Variants in HSP90AA1 observed in about 807,000 individuals in gnomAD.
HSP90AA1 encodes heat shock protein HSP 90-alpha.
Under a neutral mutation model 73.3 loss-of-function variants are expected in HSP90AA1, and 18 were observed. That is an observed-to-expected ratio of 0.25 (90% CI 0.17 to 0.36). The LOEUF is 0.36. Ranked by LOEUF, HSP90AA1 falls within the 10% of genes least tolerant of loss-of-function variation. The pLI is 1.00. For synonymous variants in HSP90AA1, 477 were observed against 296.9 expected, an observed-to-expected ratio of 1.61 and a Z score of -6.24; for missense variants, 704 against 874.2, an observed-to-expected ratio of 0.81 and a Z score of 2.45.
At chr14:102,093,510 A>G (rs2049386083) in intron 2 of HSP90AA1, among the ~76,000 whole-genome samples, 1 of 150,806 alleles carries the variant, frequency 6.6e-6, no homozygotes, top group Admixed American at 6.6e-5. Flanking sequence ...AAATTCTGTC[A>G]TTTCTTGGAG....
chr14:102,114,044 A>G (rs1262306793), intron 1 of HSP90AA1, among the ~76,000 whole-genome samples: 2 of 151,626 alleles, frequency 1.3e-5, no homozygotes, highest in African/African-American at 4.9e-5. Context: ...TTTGTTACAG[A>G]GTCTCACTCT....
intron 1 of HSP90AA1, chr14:102,102,170 A>G: frequency 1.8e-6 from 2 of 1,113,372 alleles, no homozygotes; most frequent in Admixed American, 1.7e-5. Flanking sequence ...GACAGCCCCA[A>G]GCAGGCATGC....
Position 102,097,566 on chromosome 14 carries a change from C to G in HSP90AA1, c.366+4309G>C, listed in dbSNP as rs532231426. On this transcript the variant is annotated intron_variant, in intron 2 of 11. Transcript: ENST00000334701. ...CTTTGAGTCCCCCCAAGGGCAACCT[C>G]TGGTTCAGCCAGTGGAAGAACAGGC... Among the ~76,000 whole-genome samples, 3 of 152,010 alleles carry G rather than the reference C, an allele frequency of 2.0e-5. No individual in the cohort carries two copies. The South Asian group carries it at 6.2e-4, about 31-fold the overall frequency.
intron 2 of HSP90AA1, among the ~76,000 whole-genome samples, chr14:102,098,571 C>G (rs1437056588): frequency 6.7e-6 from 1 of 149,694 alleles, no homozygotes; most frequent in Non-Finnish European, 1.5e-5. Context: ...TCAAGTGATT[C>G]TCCTGCCTCC....
chr14:102,133,331 A>T (rs960148649), intron 1 of HSP90AA1, among the ~76,000 whole-genome samples: 1 of 152,156 alleles, frequency 6.6e-6, no homozygotes, highest in Admixed American at 6.6e-5. Context: ...ATAAGACTCT[A>T]ATGATATAAT....
At chr14:102,089,201 G>A (rs1000528983), upstream of HSP90AA1, among the ~76,000 whole-genome samples, 2 of 152,288 alleles carry the variant, frequency 1.3e-5, no homozygotes, top group Non-Finnish European at 1.5e-5. Flanking sequence ...GATTACAGGC[G>A]TGAGCCACGG....
chr14:102,084,667 C>T lies in HSP90AA1; in HGVS notation c.981+14G>A, dbSNP rs1162381869. The T allele has an allele frequency of 1.2e-6, 2 of 1,613,894 alleles. No homozygotes were observed. Among genetic ancestry groups the T allele is most frequent in the East Asian group, 4.5e-5 (2 of 44,874 alleles). Reference sequence around the variant, plus strand: ...AATCTAAGGACAAGCTTGAAGCACCCATCAGTCACTCACCTTCACTGCCAA... The same window carrying T: ...AATCTAAGGACAAGCTTGAAGCACCTATCAGTCACTCACCTTCACTGCCAA... On this transcript the variant is annotated intron_variant, in intron 5 of 10. Transcript: ENST00000216281.
At chr14:102,131,359 C>T (rs1312873241) in intron 1 of HSP90AA1, among the ~76,000 whole-genome samples, 8 of 152,182 alleles carry the variant, frequency 5.3e-5, no homozygotes, top group Admixed American at 2.0e-4. Flanking sequence ...ATTCTGTAGC[C>T]TCTTTTCATC....
At chr14:102,083,348 T>C (rs763246667) in intron 8 of HSP90AA1, 46 bp from the exon 9 acceptor site, 10 of 1,601,114 alleles carry the variant, frequency 6.2e-6, no homozygotes, top group African/African-American at 1.3e-5. Flanking sequence ...CAGTTAAGAA[T>C]GGTTTCATCT....
Position 102,082,350 on chromosome 14 carries a change from T to C in HSP90AA1, c.1850A>G (p.Gln617Arg). The C allele has an allele frequency of 6.2e-7, 1 of 1,613,826 alleles. No homozygotes were observed. Among genetic ancestry groups the C allele is most frequent in the Non-Finnish European group, 8.5e-7 (1 of 1,179,698 alleles). The part of the protein sequence containing the change: ...TANMERIMKA[Q>R]ALRDNSTMGY... ...CATTGTTGAGTTGTCTCTTAGGGCT[T>C]GAGCTTTCATGATTCTCTCCATGTT... The change falls in exon 10 of 11, where the codon CAA becomes CGA. Residue 617 changes from glutamine (Q) to arginine (R), a missense_variant. Transcript: ENST00000216281.
intron 1 of HSP90AA1, among the ~76,000 whole-genome samples, chr14:102,120,998 TAC>T (rs758133126): frequency 3.3e-4 from 50 of 149,292 alleles, no homozygotes; most frequent in Middle Eastern, 3.4e-3. Flanking sequence ...ATCTGCAACA[TAC>T]ACACACACAC....
chr14:102,117,398 C>A (rs1235203724), intron 1 of HSP90AA1, among the ~76,000 whole-genome samples: 1 of 152,124 alleles, frequency 6.6e-6, no homozygotes, highest in Non-Finnish European at 1.5e-5. Flanking sequence ...GTGTGCACTT[C>A]CTCCCCTCTG....
At chr14:102,098,324 G>A (rs1243167744) in intron 2 of HSP90AA1, among the ~76,000 whole-genome samples, 4 of 151,686 alleles carry the variant, frequency 2.6e-5, no homozygotes, top group Non-Finnish European at 1.5e-5. Context: ...ACCACGCCCG[G>A]CTAATTTTTG....
In HSP90AA1 at chr14:102,094,864, C is replaced by T. The variant is rs565617402; in HGVS notation, c.366+7011G>A. ...CTCTGACCGTGGTGTGTAGGAAGCA[C>T]GCTTCCAATGAGACCTGAGGAGAGC... On this transcript the variant is annotated intron_variant, in intron 2 of 11. Transcript: ENST00000334701. Among the ~76,000 whole-genome samples, 16 of 152,252 alleles carry T rather than the reference C, an allele frequency of 1.1e-4. No individual in the cohort carries two copies. The East Asian group carries it at 1.7e-3, about 17-fold the overall frequency.
At chr14:102,094,212 G>A (rs569979693) in intron 2 of HSP90AA1, among the ~76,000 whole-genome samples, 5 of 152,300 alleles carry the variant, frequency 3.3e-5, no homozygotes, top group African/African-American at 4.8e-5. Context: ...CGGCAAACTC[G>A]TTCCCCTCCC....
At chr14:102,137,088 C>A (rs2050009888) in intron 1 of HSP90AA1, among the ~76,000 whole-genome samples, 1 of 151,486 alleles carries the variant, frequency 6.6e-6, no homozygotes. Flanking sequence ...GTGGCATGCG[C>A]CTGTAATCCC....
At chr14:102,125,786 TTAACA>T (rs781299344) in intron 1 of HSP90AA1, among the ~76,000 whole-genome samples, 4 of 152,142 alleles carry the variant, frequency 2.6e-5, no homozygotes, top group Non-Finnish European at 5.9e-5. Flanking sequence ...AAGTTAAGTA[TTAACA>T]TAAGGTGCTA....
chr14:102,131,994 C>G (rs560304257), intron 1 of HSP90AA1, among the ~76,000 whole-genome samples: 44 of 152,254 alleles, frequency 2.9e-4, no homozygotes, highest in African/African-American at 8.7e-4. Flanking sequence ...CACAACACTT[C>G]GTGAGGCTAA....
At chr14:102,129,140 T>G (rs546656826) in intron 1 of HSP90AA1, among the ~76,000 whole-genome samples, 198 of 148,144 alleles carry the variant, frequency 1.3e-3, no homozygotes, top group Admixed American at 2.4e-3. Context: ...TTGATTTTTT[T>G]TTTTTTTTTT....
Sources: gnomAD v4.1 joint callset for allele counts (sites outside exome capture counted in the v4.1 genomes callset) on GRCh38, gnomAD v4.1.1 for gene constraint, MANE v1.5 for transcripts, NCBI Gene and HGNC (gene_info 2026-07-23, HGNC 2026-07-21) for gene names.